The following CSMD1 variants were observed in gnomAD, a reference collection of about 807,000 sequenced individuals.
CSMD1 encodes the protein CUB and Sushi multiple domains 1.
In CSMD1, 213 loss-of-function variants were observed where a neutral mutation model predicts 417.5. The observed-to-expected ratio is 0.51, with a 90% CI of 0.46 to 0.57. The LOEUF (loss-of-function observed/expected upper bound fraction) is 0.57. Among genes scored for constraint, CSMD1 ranks in the 20% least tolerant of loss-of-function variants. The pLI is 0.00. For synonymous variants in CSMD1, 2,862 were observed against 1,736.8 expected, an observed-to-expected ratio of 1.65 and a Z score of -16.11; for missense variants, 6,923 against 4,529.7, an observed-to-expected ratio of 1.53 and a Z score of -15.17.
intron 12 of CSMD1, among the ~76,000 whole-genome samples, chr8:3,437,331 C>T (rs1314106215): frequency 2.6e-5 from 4 of 152,188 alleles, no homozygotes; most frequent in Non-Finnish European, 4.4e-5. Flanking sequence ...TTATTGGCCT[C>T]AACTCGGGAA....
intron 18 of CSMD1, among the ~76,000 whole-genome samples, chr8:3,380,699 T>C (rs1810576942): frequency 6.6e-6 from 1 of 151,996 alleles, no homozygotes; most frequent in Non-Finnish European, 1.5e-5. Flanking sequence ...TGAGAACACA[T>C]GGACACAGGC....
intron 10 of CSMD1, among the ~76,000 whole-genome samples, chr8:3,570,056 G>C (rs1799881332): frequency 6.6e-6 from 1 of 152,168 alleles, no homozygotes; most frequent in East Asian, 1.9e-4. Flanking sequence ...CTTCTAAAAG[G>C]AGAGAAGAGA....
intron 5 of CSMD1, among the ~76,000 whole-genome samples, chr8:3,774,161 A>G (rs1287919737): frequency 6.6e-6 from 1 of 152,136 alleles, no homozygotes; most frequent in East Asian, 1.9e-4. Flanking sequence ...AGTGTTATCT[A>G]AAGCCTTTTG....
intron 1 of CSMD1, among the ~76,000 whole-genome samples, chr8:4,958,477 A>G (rs377585206): frequency 6.6e-6 from 1 of 152,208 alleles, no homozygotes; most frequent in Non-Finnish European, 1.5e-5. Context: ...TATATATTGA[A>G]GATATTGAGG....
At chr8:3,225,162 G>C (rs1297270049) in intron 27 of CSMD1, among the ~76,000 whole-genome samples, 2 of 152,090 alleles carry the variant, frequency 1.3e-5, no homozygotes, top group African/African-American at 4.8e-5. Flanking sequence ...TCAATAAGGA[G>C]TGCCTCTTTA....
At chr8:4,542,066 G>A (rs760176046) in intron 2 of CSMD1, among the ~76,000 whole-genome samples, 1 of 152,074 alleles carries the variant, frequency 6.6e-6, no homozygotes, top group Admixed American at 6.5e-5. Flanking sequence ...TGCAATGGGC[G>A]CCCTCTAGCT....
At chr8:2,973,422 C>A (rs111987092) in intron 56 of CSMD1, 123 bp from the exon 57 acceptor site, 2 of 890,964 alleles carry the variant, frequency 2.2e-6, no homozygotes, top group East Asian at 5.0e-5. Flanking sequence ...TATGGTTACA[C>A]AACATTCTGC....
At chr8:4,642,334 G>A (rs1803243703) in intron 1 of CSMD1, among the ~76,000 whole-genome samples, 1 of 152,130 alleles carries the variant, frequency 6.6e-6, no homozygotes, top group Non-Finnish European at 1.5e-5. Flanking sequence ...TTAGAAAATG[G>A]CCCTGTGCCC....
At chr8:3,721,893 C>A (rs576585987) in intron 6 of CSMD1, among the ~76,000 whole-genome samples, 2 of 152,108 alleles carry the variant, frequency 1.3e-5, no homozygotes, top group Non-Finnish European at 2.9e-5. Context: ...CGTTAAGTAG[C>A]TGACTGTCCA....
At chr8:4,203,241 G>A (rs972555511) in intron 3 of CSMD1, among the ~76,000 whole-genome samples, 2 of 152,136 alleles carry the variant, frequency 1.3e-5, no homozygotes, top group Non-Finnish European at 2.9e-5. Context: ...ACAAGCTCAG[G>A]AATGTTGGCA....
Position 3,407,984 on chromosome 8 carries a change from C to A in CSMD1, c.1986G>T (p.Gln662His). 1 of 1,613,908 alleles carries A rather than the reference C, an allele frequency of 6.2e-7. No individual in the cohort carries two copies. The highest frequency in any genetic ancestry group is 1.6e-4 in the Middle Eastern group (1 of 6,062). The change falls in exon 14 of 70, where the codon CAG becomes CAT. Residue 662 changes from glutamine to histidine, a missense_variant. Gln to His is a conservative substitution (Grantham distance 24, BLOSUM62 0). Coordinates refer to ENST00000635120, the MANE Select transcript of CSMD1 (RefSeq NM_033225.6). ...GAACTATATGCCCACTGCTGGCCAG[C>A]TGGGAAGGCACTTCATTGCCAGAAA... ...GTFSGNEVPS[Q>H]LASSGHIVRL...
chr8:4,378,004 G>C (rs1369910649), intron 3 of CSMD1, among the ~76,000 whole-genome samples: 2 of 152,100 alleles, frequency 1.3e-5, no homozygotes, highest in Non-Finnish European at 2.9e-5. Context: ...AAATATATTT[G>C]TAATTCCTTT....
intron 5 of CSMD1, among the ~76,000 whole-genome samples, chr8:3,826,136 C>A (rs1159439844): frequency 6.6e-6 from 1 of 152,102 alleles, no homozygotes; most frequent in African/African-American, 2.4e-5. Flanking sequence ...GGAACTCACA[C>A]TGCGAATGAA....
At chr8:4,306,403 AC>A (rs529169143) in intron 3 of CSMD1, among the ~76,000 whole-genome samples, 10,069 of 27,790 alleles carry the variant, frequency 0.36, 876 homozygotes, top group African/African-American at 0.49. Flanking sequence ...AACCTACAGA[AC>A]AAAAAAATAC....
At chr8:3,368,525 G>C (rs1055338006) in intron 19 of CSMD1, among the ~76,000 whole-genome samples, 6 of 152,058 alleles carry the variant, frequency 3.9e-5, no homozygotes, top group Non-Finnish European at 7.4e-5. Flanking sequence ...TTTTAGTAGA[G>C]ACAAGGTTCC....
At chr8:4,184,796 G>A (rs1043604858) in intron 3 of CSMD1, among the ~76,000 whole-genome samples, 1 of 151,632 alleles carries the variant, frequency 6.6e-6, no homozygotes, top group Admixed American at 6.6e-5. Flanking sequence ...CTGTGACACA[G>A]GTTTACTTAT....
chr8:3,734,805 C>T (rs923702751), intron 6 of CSMD1, among the ~76,000 whole-genome samples: 14 of 152,200 alleles, frequency 9.2e-5, no homozygotes, highest in East Asian at 3.9e-4. Context: ...GGTGCTGAGG[C>T]CCCGTGACGG....
At chr8:4,364,124 T>C (rs1204869193) in intron 3 of CSMD1, among the ~76,000 whole-genome samples, 1 of 152,208 alleles carries the variant, frequency 6.6e-6, no homozygotes. Flanking sequence ...TTATTATGCA[T>C]TGCATGCCTG....
chr8:3,478,294 T>A (rs957125412), intron 11 of CSMD1, among the ~76,000 whole-genome samples: 2 of 152,248 alleles, frequency 1.3e-5, no homozygotes, highest in Non-Finnish European at 2.9e-5. Flanking sequence ...CCAAACCTCT[T>A]GATCTTGCAG....
Sources: gnomAD v4.1 joint callset for allele counts (sites outside exome capture counted in the v4.1 genomes callset) on GRCh38, gnomAD v4.1.1 for gene constraint, MANE v1.5 for transcripts, NCBI Gene and HGNC (gene_info 2026-07-23, HGNC 2026-07-21) for gene names.